Variants in NAALADL2 observed in about 807,000 individuals in gnomAD.
NAALADL2 encodes the protein N-acetylated alpha-linked acidic dipeptidase like 2.
NAALADL2 carries 76 observed loss-of-function variants against 87.2 expected under a neutral mutation model. That is an observed-to-expected ratio of 0.87 (90% CI 0.72 to 1.05). NAALADL2 has a LOEUF of 1.05. Ranked by LOEUF, NAALADL2 falls within the 50% of genes least tolerant of loss-of-function variation. The probability of loss-of-function intolerance (pLI) is 0.00; values close to 1 mark genes in which losing one functional copy is unlikely to be tolerated. For synonymous variants in NAALADL2, 354 were observed against 331.0 expected, an observed-to-expected ratio of 1.07 and a Z score of -0.75; for missense variants, 1,089 against 945.8, an observed-to-expected ratio of 1.15 and a Z score of -1.99.
rs751433758 is a variant in NAALADL2, at chr3:175,605,640, G to GT, written c.1801-21635dup. Among the ~76,000 whole-genome samples, 123 of 36,686 alleles carry GT rather than the reference G, an allele frequency of 3.4e-3. 2 individuals are homozygous for GT. Among genetic ancestry groups the GT allele is most frequent in the South Asian group, 5.3e-3 (4 of 748 alleles). 24.1% of individuals were successfully genotyped at this position (36,686 alleles called of 152,430 possible). A position where few individuals can be genotyped will look rare whatever the true frequency, so the allele number is the denominator to read the frequency against. On this transcript the variant is annotated intron_variant, in intron 10 of 13. Coordinates refer to ENST00000454872, the MANE Select transcript of NAALADL2 (RefSeq NM_207015.3). ...GAGGACACCTAGATGTATATTGCTT[G>GT]TTTTTTTTTTTTTTTTAACTGTATT...
intron 2 of NAALADL2, among the ~76,000 whole-genome samples, chr3:175,157,227 A>G (rs1732458017): frequency 1.3e-5 from 2 of 152,240 alleles, no homozygotes; most frequent in East Asian, 3.9e-4. Context: ...TGAGGATAGG[A>G]AAAGATTTTC....
chr3:174,793,558 AGTAAGTT>A (rs1424165567), intron 3 of NAALADL2, among the ~76,000 whole-genome samples: 4 of 152,170 alleles, frequency 2.6e-5, no homozygotes, highest in Admixed American at 2.6e-4. Context: ...TTCTGAGTAT[AGTAAGTT>A]GTATGGTACT....
intron 1 of NAALADL2, among the ~76,000 whole-genome samples, chr3:174,542,282 T>A (rs1358397927): frequency 6.6e-6 from 1 of 152,166 alleles, no homozygotes; most frequent in East Asian, 1.9e-4. Context: ...TCAGAGAATA[T>A]ACACTCCTCC....
At chr3:174,887,372 T>C (rs1432452566) in intron 1 of NAALADL2, among the ~76,000 whole-genome samples, 1 of 150,732 alleles carries the variant, frequency 6.6e-6, no homozygotes, top group Non-Finnish European at 1.5e-5. Flanking sequence ...AATCTCTTTA[T>C]TAATGGTATT....
chr3:175,059,672 T>C (rs1330693191), intron 1 of NAALADL2: 3 of 337,416 alleles, frequency 8.9e-6, no homozygotes, highest in East Asian at 1.8e-4. Flanking sequence ...AAGCCATTCT[T>C]CCATTAACCT....
intron 1 of NAALADL2, among the ~76,000 whole-genome samples, chr3:175,002,334 A>C (rs1748362912): frequency 1.3e-5 from 2 of 152,214 alleles, no homozygotes; most frequent in Admixed American, 1.3e-4. Flanking sequence ...ATAGAAGATT[A>C]TATTGTTCGA....
chr3:175,681,039 G>T (rs1312206559), intron 11 of NAALADL2, among the ~76,000 whole-genome samples: 1 of 152,148 alleles, frequency 6.6e-6, no homozygotes, highest in Non-Finnish European at 1.5e-5. Flanking sequence ...CTTAAACCCG[G>T]GAGGTGGAGG....
intron 2 of NAALADL2, among the ~76,000 whole-genome samples, chr3:175,178,915 T>C (rs1251468517): frequency 1.3e-5 from 2 of 152,006 alleles, no homozygotes; most frequent in Non-Finnish European, 2.9e-5. Flanking sequence ...AGATTGGCTA[T>C]TGTGATTGAA....
chr3:174,454,973 A>G (rs1298152036), intron 1 of NAALADL2, among the ~76,000 whole-genome samples: 1 of 151,408 alleles, frequency 6.6e-6, no homozygotes, highest in Non-Finnish European at 1.5e-5. Flanking sequence ...GAAAAATATT[A>G]CTAAAATAGG....
At chr3:174,981,580 A>G (rs1292104870) in intron 1 of NAALADL2, among the ~76,000 whole-genome samples, 1 of 152,186 alleles carries the variant, frequency 6.6e-6, no homozygotes, top group African/African-American at 2.4e-5. Context: ...TGTAATAAAT[A>G]ATGTTCTCTA....
At chr3:175,671,326 T>C (rs188564639) in intron 11 of NAALADL2, among the ~76,000 whole-genome samples, 10 of 152,104 alleles carry the variant, frequency 6.6e-5, no homozygotes, top group Non-Finnish European at 1.3e-4. Flanking sequence ...TTTTACATTA[T>C]GAAAAGAAAA....
chr3:175,787,247 G>C (rs965578937), intron 13 of NAALADL2, among the ~76,000 whole-genome samples: 2 of 152,130 alleles, frequency 1.3e-5, no homozygotes, highest in East Asian at 1.9e-4. Flanking sequence ...CACCCAGTTC[G>C]AGCTTCCCGG....
At chr3:175,130,700 T>C (rs1727694685) in intron 2 of NAALADL2, among the ~76,000 whole-genome samples, 2 of 152,244 alleles carry the variant, frequency 1.3e-5, no homozygotes, top group Non-Finnish European at 2.9e-5. Context: ...TGTTTCTCTT[T>C]AAGCCATCTA....
chr3:174,648,663 T>C (rs769569644), intron 2 of NAALADL2, among the ~76,000 whole-genome samples: 3 of 152,294 alleles, frequency 2.0e-5, no homozygotes, highest in Non-Finnish European at 4.4e-5. Context: ...ACCTTGATTT[T>C]TCTGAATCTG....
At chr3:174,828,988 A>G (rs1358719769) in intron 3 of NAALADL2, among the ~76,000 whole-genome samples, 1 of 152,236 alleles carries the variant, frequency 6.6e-6, no homozygotes. Flanking sequence ...AATGTTAATC[A>G]TTAAAATACT....
intron 2 of NAALADL2, among the ~76,000 whole-genome samples, chr3:174,620,505 T>C (rs1234900079): frequency 3.3e-5 from 5 of 152,170 alleles, no homozygotes; most frequent in Non-Finnish European, 1.5e-5. Context: ...TGTTTAGACC[T>C]ACTCATTTAA....
chr3:174,958,246 G>T, intron 1 of NAALADL2, among the ~76,000 whole-genome samples: 1 of 150,874 alleles, frequency 6.6e-6, no homozygotes, highest in Non-Finnish European at 1.5e-5. Flanking sequence ...AATATGGCAG[G>T]GAACTTACCA....
intron 1 of NAALADL2, among the ~76,000 whole-genome samples, chr3:174,511,883 A>G (rs1412259896): frequency 6.6e-6 from 1 of 152,112 alleles, no homozygotes; most frequent in African/African-American, 2.4e-5. Flanking sequence ...TTTACCACCG[A>G]ATAATGTTAT....
intron 13 of NAALADL2, among the ~76,000 whole-genome samples, chr3:175,788,073 TAC>T (rs1180681001): frequency 6.7e-6 from 1 of 149,740 alleles, no homozygotes; most frequent in Non-Finnish European, 1.5e-5. Context: ...TACACAGGTG[TAC>T]AGTTTTTTAC....
Sources: gnomAD v4.1 joint callset for allele counts (sites outside exome capture counted in the v4.1 genomes callset) on GRCh38, gnomAD v4.1.1 for gene constraint, MANE v1.5 for transcripts, NCBI Gene and HGNC (gene_info 2026-07-23, HGNC 2026-07-21) for gene names.